Variants in TGFBR2 observed in about 807,000 individuals in gnomAD.
TGFBR2 encodes transforming growth factor beta receptor 2.
A neutral mutation model predicts 49.0 loss-of-function variants in TGFBR2; 18 were observed. The observed-to-expected ratio is 0.37, with a 90% CI of 0.25 to 0.54. The LOEUF (loss-of-function observed/expected upper bound fraction) is 0.54, where lower values mean the gene tolerates loss of function less well. TGFBR2 is among the 20% of genes least tolerant of loss of function. The pLI is 0.85. For missense variants in TGFBR2, 525 were observed against 722.6 expected (o/e 0.73, Z 3.13); for synonymous variants, 282 against 275.9 (o/e 1.02, Z -0.22).
At chr3:30,657,289 C>T (rs148151586) in intron 3 of TGFBR2, among the ~76,000 whole-genome samples, 9 of 152,320 alleles carry the variant, frequency 5.9e-5, no homozygotes, top group Admixed American at 1.3e-4. Context: ...GTTTGCCAAA[C>T]GGCAGCCCAG....
intron 1 of TGFBR2, among the ~76,000 whole-genome samples, chr3:30,607,822 T>A (rs1697954781): frequency 7.4e-6 from 1 of 135,176 alleles, no homozygotes; most frequent in African/African-American, 3.2e-5. Flanking sequence ...ATTATATATA[T>A]ATAAATATAT....
intron 5 of TGFBR2, among the ~76,000 whole-genome samples, chr3:30,688,175 A>G (rs568730610): frequency 1.2e-4 from 19 of 152,338 alleles, no homozygotes; most frequent in African/African-American, 4.6e-4. Context: ...GTACTCAACA[A>G]TCATTTATTG....
intron 5 of TGFBR2, among the ~76,000 whole-genome samples, chr3:30,674,774 C>T (rs1358399103): frequency 1.3e-5 from 2 of 151,990 alleles, no homozygotes; most frequent in African/African-American, 4.8e-5. Context: ...TGAGGAAGGC[C>T]GTCTTCTTAC....
intron 5 of TGFBR2, 66 bp from the exon 6 acceptor site, chr3:30,688,318 A>G (rs936251965): frequency 6.2e-7 from 1 of 1,611,432 alleles, no homozygotes; most frequent in East Asian, 2.2e-5. Context: ...GCATCTCACC[A>G]TGCTCATTTC....
At chr3:30,641,618 G>A (rs1698647283) in intron 1 of TGFBR2, among the ~76,000 whole-genome samples, 1 of 152,140 alleles carries the variant, frequency 6.6e-6, no homozygotes, top group South Asian at 2.1e-4. Flanking sequence ...GTAATATGCT[G>A]TATCTTAGGC....
At chr3:30,666,606 C>G (rs1034233583) in intron 3 of TGFBR2, among the ~76,000 whole-genome samples, 11 of 151,828 alleles carry the variant, frequency 7.2e-5, no homozygotes, top group Non-Finnish European at 1.2e-4. Context: ...TATATAAAGT[C>G]ATTCTTCCCC....
At chr3:30,680,804 G>T (rs1435353786) in intron 5 of TGFBR2, among the ~76,000 whole-genome samples, 1 of 152,142 alleles carries the variant, frequency 6.6e-6, no homozygotes, top group South Asian at 2.1e-4. Context: ...TCATGAAATC[G>T]CCATTCAGCA....
Position 30,687,843 on chromosome 3 carries a change from T to G in TGFBR2, c.1397-541T>G, listed in dbSNP as rs575770271. Among the ~76,000 whole-genome samples, 45 of 152,330 alleles carry G rather than the reference T, an allele frequency of 3.0e-4. 2 individuals are homozygous for G. Among genetic ancestry groups the G allele is most frequent in the African/African-American group, 1.1e-3 (44 of 41,564 alleles). The stretch of plus-strand genomic sequence containing the variant: ...AGTGGAATGATACAATATTTGTCCT[T>G]TTGTGTCTGGCTTATTTCACTTAGC... On this transcript the variant is annotated intron_variant, in intron 5 of 6. Transcript: ENST00000295754.
At chr3:30,632,194 T>G (rs1359318146) in intron 1 of TGFBR2, among the ~76,000 whole-genome samples, 1 of 152,222 alleles carries the variant, frequency 6.6e-6, no homozygotes, top group African/African-American at 2.4e-5. Context: ...TCCACAATCT[T>G]AAGACACATC....
At chr3:30,630,467 T>A (rs1304356206) in intron 1 of TGFBR2, among the ~76,000 whole-genome samples, 2 of 152,244 alleles carry the variant, frequency 1.3e-5, no homozygotes, top group Non-Finnish European at 2.9e-5. Context: ...AGGAGCCAGC[T>A]GTGTTCCAGA....
At chr3:30,637,782 T>TAA (rs889761903) in intron 1 of TGFBR2, among the ~76,000 whole-genome samples, 1 of 149,614 alleles carries the variant, frequency 6.7e-6, no homozygotes. Context: ...GATGAGTGGT[T>TAA]AAAAAAAAAA....
At chr3:30,681,015 A>G (rs3773655) in intron 5 of TGFBR2, among the ~76,000 whole-genome samples, 53,483 of 151,936 alleles carry the variant, frequency 0.35, 9,446 homozygotes, top group Middle Eastern at 0.45. Flanking sequence ...GCCTGCAAGC[A>G]CACTGACTTC....
chr3:30,630,989 T>TAAGTTACC (rs1698426317), intron 1 of TGFBR2, among the ~76,000 whole-genome samples: 1 of 151,538 alleles, frequency 6.6e-6, no homozygotes, highest in South Asian at 2.1e-4. Flanking sequence ...CCAAACAGAC[T>TAAGTTACC]AAGTTACCAA....
At chr3:30,623,541 G>C (rs1345641922) in intron 1 of TGFBR2, among the ~76,000 whole-genome samples, 1 of 152,164 alleles carries the variant, frequency 6.6e-6, no homozygotes, top group African/African-American at 2.4e-5. Flanking sequence ...ACTATGTAAT[G>C]AGTCATTTTA....
chr3:30,649,586 C>T (rs1870703), intron 2 of TGFBR2, among the ~76,000 whole-genome samples: 138,369 of 152,264 alleles, frequency 0.91, 63,062 homozygotes, highest in East Asian at 1. Context: ...CCTGACATCC[C>T]TTTCCATTTC....
Position 30,653,533 on chromosome 3 carries a change from T to G in TGFBR2, c.454+3073T>G, listed in dbSNP as rs566318140. 2.6e-5 allele frequency among the ~76,000 whole-genome samples: 4 copies of G among 152,270 alleles called. No individual in the cohort carries two copies. In the South Asian group the frequency reaches 8.3e-4, roughly 32 times the overall value. The stretch of plus-strand genomic sequence containing the variant: ...TCCCAAAGTGCTAGGATTACAGGCA[T>G]GAGCCACCACACCCGGCCAGAATGA... On this transcript the variant is annotated intron_variant, in intron 3 of 6. Coordinates refer to ENST00000295754, the MANE Select transcript of TGFBR2 (RefSeq NM_003242.6).
chr3:30,610,321 C>A (rs537712684), intron 1 of TGFBR2, among the ~76,000 whole-genome samples: 20 of 70,434 alleles, frequency 2.8e-4, no homozygotes, highest in African/African-American at 6.7e-4. Flanking sequence ...TTTTCAAAAG[C>A]CTCATTTTTT....
intron 3 of TGFBR2, among the ~76,000 whole-genome samples, chr3:30,665,635 C>G (rs761506126): frequency 9.9e-5 from 15 of 152,158 alleles, no homozygotes; most frequent in Non-Finnish European, 1.9e-4. Flanking sequence ...TCAAGCCAGG[C>G]AGATCTCCCA....
chr3:30,624,451 A>G (rs1310969518), intron 1 of TGFBR2, among the ~76,000 whole-genome samples: 1 of 151,962 alleles, frequency 6.6e-6, no homozygotes, highest in Non-Finnish European at 1.5e-5. Flanking sequence ...CCCCGTCTCT[A>G]CTAAAAATAC....
Sources: gnomAD v4.1 joint callset for allele counts (sites outside exome capture counted in the v4.1 genomes callset) on GRCh38, gnomAD v4.1.1 for gene constraint, MANE v1.5 for transcripts, NCBI Gene and HGNC (gene_info 2026-07-23, HGNC 2026-07-21) for gene names.